The following NEFM variants were observed in gnomAD, a reference collection of about 807,000 sequenced individuals.
NEFM encodes neurofilament medium polypeptide.
Under a neutral mutation model 48.1 loss-of-function variants are expected in NEFM, and 16 were observed. The ratio of observed to expected loss-of-function variants is 0.33; its 90% CI spans 0.23 to 0.51. The LOEUF (loss-of-function observed/expected upper bound fraction) is 0.51, where lower values mean the gene tolerates loss of function less well. Among genes scored for constraint, NEFM ranks in the 20% least tolerant of loss-of-function variants. The pLI is 0.98. For synonymous variants in NEFM, 465 were observed against 456.9 expected (o/e 1.02, Z -0.23); for missense variants, 1,107 against 1,136.0 (o/e 0.97, Z 0.37).
At position 24,914,855 on chromosome 8, in the gene NEFM, C is replaced by T; in HGVS notation, c.1062C>T (p.His354=). 1 of 1,595,132 alleles carries T rather than the reference C, an allele frequency of 6.3e-7. No homozygotes were observed. The highest frequency in any genetic ancestry group is 1.1e-5 in the South Asian group (1 of 88,618). The change falls in exon 1 of 3, where the codon CAC becomes CAT. Residue 354 remains histidine, a synonymous_variant. Coordinates refer to ENST00000221166, the MANE Select transcript of NEFM (RefSeq NM_005382.2). ...GCGACATCGAGGAGCGCCACAACCA[C>T]GACCTCAGCAGCTACCAGGTAGGAA... ...QLSDIEERHN[H]DLSSYQDTIQ...
chr8:24,914,600 G>A lies in NEFM; in HGVS notation c.807G>A (p.Ala269=), dbSNP rs1163383683. ...KDYLKTDIST[A]LKEIRSQLES... ...ACCTGAAGACAGACATCTCGACGGC[G>A]CTGAAGGAAATCCGCTCCCAGCTCG... The change falls in exon 1 of 3, where the codon GCG becomes GCA. Residue 269 remains alanine (A), a synonymous_variant. Transcript: ENST00000221166. 1 of 1,614,194 alleles carries A rather than the reference G, an allele frequency of 6.2e-7. No homozygotes were observed. Among genetic ancestry groups the A allele is most frequent in the South Asian group, 1.1e-5 (1 of 91,082 alleles).
Position 24,914,882 on chromosome 8 carries a change from C to G in NEFM, c.1080+9C>G, listed in dbSNP as rs770146745. ...ACCTCAGCAGCTACCAGGTAGGAACCGCGGCTGCGCGGCCAGCCTGCGCCA... is the reference window on the plus strand; with the variant it reads ...ACCTCAGCAGCTACCAGGTAGGAACGGCGGCTGCGCGGCCAGCCTGCGCCA... On this transcript the variant is annotated intron_variant, in intron 1 of 2. Coordinates refer to ENST00000221166, the MANE Select transcript of NEFM (RefSeq NM_005382.2). 3.2e-6 allele frequency: 5 copies of G among 1,576,100 alleles called. No individual in the cohort carries two copies. The highest frequency in any genetic ancestry group is 1.4e-5 in the African/African-American group (1 of 74,012).
chr8:24,915,205 G>A (rs1802554317), intron 1 of NEFM: 2 of 1,295,322 alleles, frequency 1.5e-6, no homozygotes, highest in Admixed American at 7.7e-5. Context: ...GATAGCTTAT[G>A]CAGAAACGCG....
intron 2 of NEFM, 77 bp from the exon 3 acceptor site, chr8:24,916,984 A>G: frequency 8.5e-7 from 1 of 1,174,954 alleles, no homozygotes; most frequent in Non-Finnish European, 1.3e-6. Context: ...AGCTACCACA[A>G]TACCCAGAAT....
Position 24,913,855 on chromosome 8 carries a change from G to A in NEFM, c.62G>A (p.Arg21His). ...PSAYRRVTET[R>H]SSFSRVSGSP... is the part of the protein sequence containing the mutation. The stretch of plus-strand genomic sequence containing the variant: ...GCCTACCGGCGGGTAACCGAGACCC[G>A]CTCGAGCTTCAGCCGCGTCAGCGGC... Residue 21 changes from arginine (R) to histidine (H), a missense_variant, in exon 1 of 3, where the codon CGC (arginine) becomes CAC (histidine). Physicochemically the swap from Arg to His is conservative, Grantham distance 29. Around this residue, in one of 3 missense-constraint regions of NEFM, gnomAD observed 186 missense variants for 200.6 expected, o/e 0.93. Coordinates refer to ENST00000221166, the MANE Select transcript of NEFM (RefSeq NM_005382.2). The A allele has an allele frequency of 2.5e-6, 4 of 1,607,270 alleles. No homozygotes were observed. The highest frequency in any genetic ancestry group is 2.5e-6 in the Non-Finnish European group (3 of 1,177,774).
rs145424883 is a variant in NEFM, at chr8:24,914,372, G to T, written c.579G>T (p.Ala193=). ...TCAAGGAGCGCTTTGAGGAGGAGGC[G>T]CGGTTGCGCGACGACACTGAGGCGG... is the stretch of plus-strand genomic sequence containing the variant. ...HRLKERFEEE[A]RLRDDTEAAI... The change falls in exon 1 of 3, where the codon GCG becomes GCT. Residue 193 remains alanine, a synonymous_variant. Coordinates refer to ENST00000221166, the MANE Select transcript of NEFM (RefSeq NM_005382.2). The T allele has an allele frequency of 2.5e-6, 4 of 1,613,514 alleles. No homozygotes were observed. The African/African-American group carries it at 4.0e-5, about 16-fold the overall frequency.
chr8:24,915,488 G>T, intron 1 of NEFM, 117 bp from the exon 2 acceptor site: 2 of 1,516,604 alleles, frequency 1.3e-6, no homozygotes, highest in South Asian at 1.2e-5. Flanking sequence ...TGTCAGCGAG[G>T]TTTGCAGAAG....
In NEFM at chr8:24,915,683, C is replaced by T; in HGVS notation, c.1159C>T (p.Leu387Phe). ...MARHLREYQD[L>F]LNVKMALDIE... ...TCGTCATTTGCGCGAATACCAGGACCTCCTCAACGTCAAGATGGCTCTGGA... is the reference window on the plus strand; with the variant it reads ...TCGTCATTTGCGCGAATACCAGGACTTCCTCAACGTCAAGATGGCTCTGGA... The change falls in exon 2 of 3, where the codon CTC (leucine) becomes TTC (phenylalanine). Residue 387 changes from leucine (L) to phenylalanine (F), a missense_variant. Leu to Phe is a conservative substitution (Grantham distance 22, BLOSUM62 0). Coordinates refer to ENST00000221166, the MANE Select transcript of NEFM (RefSeq NM_005382.2). 1 of 1,614,052 alleles carries T rather than the reference C, an allele frequency of 6.2e-7. No homozygotes were observed. The highest frequency in any genetic ancestry group is 8.5e-7 in the Non-Finnish European group (1 of 1,180,006).
At chr8:24,915,438 TA>T in intron 1 of NEFM, 166 bp from the exon 2 acceptor site, 1 of 1,129,294 alleles carries the variant, frequency 8.9e-7, no homozygotes, top group East Asian at 2.5e-5. Flanking sequence ...CGCTTAGATT[TA>T]AAAGAAAAAG....
At chr8:24,915,122 G>T in intron 1 of NEFM, 1 of 1,355,050 alleles carries the variant, frequency 7.4e-7, no homozygotes, top group South Asian at 1.8e-5. Context: ...ATCTTTTCCA[G>T]TTCTAATTTT....
intron 2 of NEFM, 61 bp from the exon 3 acceptor site, chr8:24,917,000 G>A (rs1802583111): frequency 5.2e-6 from 7 of 1,340,488 alleles, no homozygotes; most frequent in Non-Finnish European, 7.5e-6. Context: ...AGAATGTAAT[G>A]AAGCTCAGAA....
Position 24,914,392 on chromosome 8 carries a change from A to AGGC in NEFM, c.603_605dup (p.Ala202dup), listed in dbSNP as rs1322000047. ...GAGGCGCGGTTGCGCGACGACACTG[A>AGGC]GGCGGCCATCCGCGCGCTGCGCAAA... On this transcript the variant is annotated inframe_insertion, in exon 1 of 3. Transcript: ENST00000221166. 6.2e-7 allele frequency: 1 copy of AGGC among 1,613,584 alleles called. No individual in the cohort carries two copies. Among genetic ancestry groups the AGGC allele is most frequent in the South Asian group, 1.1e-5 (1 of 91,080 alleles).
chr8:24,914,234 C>T lies in NEFM; in HGVS notation c.441C>T (p.Gly147=), dbSNP rs1405270387. Residue 147 remains glycine (G), a synonymous_variant, in exon 1 of 3, where the codon GGC becomes GGT. Transcript: ENST00000221166. ...AGCAGGCCTCGCACGCCCAGCTGGG[C>T]GACGCGTACGACCAGGAGATCCGCG... is the stretch of plus-strand genomic sequence containing the variant. ...RQKQASHAQL[G]DAYDQEIREL... 6 of 1,609,994 alleles carry T rather than the reference C, an allele frequency of 3.7e-6. No homozygotes were observed. Among genetic ancestry groups the T allele is most frequent in the South Asian group, 1.1e-5 (1 of 90,604 alleles).
rs201942700 is a variant in NEFM, at chr8:24,915,752, G to A, written c.1205+23G>A. The A allele has an allele frequency of 5.0e-6, 8 of 1,613,894 alleles. No homozygotes were observed. In the Admixed American group the frequency reaches 8.3e-5, roughly 17 times the overall value. On this transcript the variant is annotated intron_variant, in intron 2 of 2. Transcript: ENST00000221166. ...CAGGTACGATGCTTACTACGTGCGT[G>A]GCCGGAACACTAACCGCAGTGCAGA...
chr8:24,917,539 G>C lies in NEFM; in HGVS notation c.1684G>C (p.Glu562Gln). 1.3e-6 allele frequency: 2 copies of C among 1,561,630 alleles called. No homozygotes were observed. The highest frequency in any genetic ancestry group is 1.7e-6 in the Non-Finnish European group (2 of 1,152,554). ...GSEKEGSSEK[E>Q]EGEQEEGETE... is the part of the protein sequence containing the mutation. ...CGAGAAGGAAGGCTCTAGTGAAAAAGAGGAAGGTGAGCAGGAAGAAGGAGA... is the reference window on the plus strand; with the variant it reads ...CGAGAAGGAAGGCTCTAGTGAAAAACAGGAAGGTGAGCAGGAAGAAGGAGA... Residue 562 changes from glutamate (E) to glutamine (Q), a missense_variant, in exon 3 of 3, where the codon GAG becomes CAG. This residue lies in a region of NEFM where 917 missense variants were observed against 916.4 expected (regional missense o/e 1.00). Coordinates refer to ENST00000221166, the MANE Select transcript of NEFM (RefSeq NM_005382.2).
rs146221504 is a variant in NEFM, at chr8:24,917,356, G to C, written c.1501G>C (p.Ala501Pro). ...AAEEKEEEPEAEEEEVAAKKS... is the reference protein window; with the variant it reads ...AAEEKEEEPEPEEEEVAAKKS... ...AGAAGAAAAGGAAGAGGAACCCGAA[G>C]CTGAAGAAGAAGAAGTAGCTGCCAA... Residue 501 changes from alanine to proline, a missense_variant, in exon 3 of 3, where the codon GCT becomes CCT. Physicochemically the swap from Ala to Pro is conservative, Grantham distance 27. Coordinates refer to ENST00000221166, the MANE Select transcript of NEFM (RefSeq NM_005382.2). 619 of 1,603,820 alleles carry C rather than the reference G, an allele frequency of 3.9e-4. No homozygotes were observed. The highest frequency in any genetic ancestry group is 4.9e-4 in the Non-Finnish European group (573 of 1,174,606).
Position 24,918,072 on chromosome 8 carries a change from G to A in NEFM, c.2217G>A (p.Lys739=). The change falls in exon 3 of 3, where the codon AAG becomes AAA. Residue 739 remains lysine (K), a synonymous_variant. Transcript: ENST00000221166. ...PEKKKAESPV[K]EEAVAEVVTI... is the part of the protein sequence containing the mutation. ...AGAAGAAAGCTGAGTCCCCTGTAAA[G>A]GAGGAAGCTGTGGCAGAGGTGGTCA... 1 of 1,552,856 alleles carries A rather than the reference G, an allele frequency of 6.4e-7. No individual in the cohort carries two copies. The highest frequency in any genetic ancestry group is 8.7e-7 in the Non-Finnish European group (1 of 1,147,570).
chr8:24,915,505 G>A (rs1802559230), intron 1 of NEFM, 100 bp from the exon 2 acceptor site: 5 of 1,564,318 alleles, frequency 3.2e-6, no homozygotes, highest in Non-Finnish European at 4.4e-6. Flanking sequence ...GAAGTGGAGG[G>A]AGACGGGAGG....
chr8:24,916,319 T>G (rs1265697687), intron 2 of NEFM, among the ~76,000 whole-genome samples: 1 of 152,228 alleles, frequency 6.6e-6, no homozygotes, highest in Non-Finnish European at 1.5e-5. Flanking sequence ...GATACACATA[T>G]GTGCATATGC....
Sources: gnomAD v4.1 joint callset for allele counts (sites outside exome capture counted in the v4.1 genomes callset) on GRCh38, gnomAD v4.1.1 for gene constraint, gnomAD v4.1.1 regional missense constraint, MANE v1.5 for transcripts, NCBI Gene and HGNC (gene_info 2026-07-23, HGNC 2026-07-21) for gene names.